ZNF273: variants seen among roughly 807,000 people sequenced by gnomAD.
ZNF273 encodes zinc finger protein 273.
ZNF273 carries 11 observed loss-of-function variants against 14.9 expected under a neutral mutation model. That is an observed-to-expected ratio of 0.74 (90% CI 0.46 to 1.22). The LOEUF is 1.22. ZNF273 is among the 50% of genes most tolerant of loss of function. ZNF273 has a pLI of 0.00. For synonymous variants in ZNF273, 199 were observed against 223.9 expected (o/e 0.89, Z 0.99); for missense variants, 577 against 660.6 (o/e 0.87, Z 1.39).
chr7:64,918,069 A>C (rs555613488), intron 2 of ZNF273, 128 bp from the exon 3 acceptor site: 138 of 788,104 alleles, frequency 1.8e-4, no homozygotes, highest in Non-Finnish European at 2.4e-4. Flanking sequence ...AGAAATTTAC[A>C]TTACTAATTA....
At chr7:64,920,700 C>A (rs944732760) in intron 3 of ZNF273, among the ~76,000 whole-genome samples, 1 of 149,780 alleles carries the variant, frequency 6.7e-6, no homozygotes, top group Non-Finnish European at 1.5e-5. Context: ...AAAGAACACC[C>A]CTCAATCTTG....
chr7:64,918,032 C>G (rs1272730642), intron 2 of ZNF273, among the ~76,000 whole-genome samples, 165 bp from the exon 3 acceptor site: 15 of 152,000 alleles, frequency 9.9e-5, no homozygotes, highest in Admixed American at 9.8e-4. Flanking sequence ...TAAGAACATA[C>G]AAATTTAAAA....
chr7:64,917,466 C>A, intron 1 of ZNF273, 115 bp from the exon 2 acceptor site: 1 of 1,439,278 alleles, frequency 6.9e-7, no homozygotes, highest in South Asian at 1.2e-5. Context: ...TAATTTTAGT[C>A]ACTCCTATAA....
At chr7:64,900,601 C>A (rs961343792), upstream of ZNF273, among the ~76,000 whole-genome samples, 3 of 152,058 alleles carry the variant, frequency 2.0e-5, no homozygotes, top group Non-Finnish European at 2.9e-5. Context: ...CACCATTGAA[C>A]GTTAAAGAAA....
chr7:64,904,174 C>T (rs1036364446), intron 1 of ZNF273, among the ~76,000 whole-genome samples: 1 of 152,118 alleles, frequency 6.6e-6, no homozygotes, highest in African/African-American at 2.4e-5. Flanking sequence ...CTGCAACCAA[C>T]GCCTCCCGGG....
rs1307756281 is a variant in ZNF273, at chr7:64,930,933, TAA to T, written c.*1899_*1900del. On this transcript the variant is annotated 3_prime_UTR_variant, in exon 4 of 4. Transcript: ENST00000476120. ...TACAGGGTTATTTTTATGGTCATAA[TAA>T]AAATTACAAAAGTATGAATAAAATA... 6.6e-6 allele frequency: 1 copy of T among 152,086 alleles called. No individual in the cohort carries two copies. The highest frequency in any genetic ancestry group is 2.4e-5 in the African/African-American group (1 of 41,434). The allele number at this position is 152,086 out of a possible 1,614,324, so 9.4% of individuals were successfully genotyped here.
At chr7:64,932,353 C>T (rs1485567143), downstream of ZNF273, among the ~76,000 whole-genome samples, 1 of 151,936 alleles carries the variant, frequency 6.6e-6, no homozygotes. Context: ...TCTTGTTGCC[C>T]AGGCTGGAGT....
At chr7:64,913,854 A>G (rs1793748663) in intron 1 of ZNF273, among the ~76,000 whole-genome samples, 1 of 152,118 alleles carries the variant, frequency 6.6e-6, no homozygotes, top group South Asian at 2.1e-4. Flanking sequence ...ATGCTTAGCT[A>G]AGTGGTTATC....
upstream of ZNF273, among the ~76,000 whole-genome samples, chr7:64,901,973 C>G (rs1792747335): frequency 6.6e-6 from 1 of 151,086 alleles, no homozygotes; most frequent in African/African-American, 2.4e-5. Flanking sequence ...GTAATCCTAG[C>G]ACTACTTTGG....
At chr7:64,927,066 T>C (rs375545816) in intron 3 of ZNF273, among the ~76,000 whole-genome samples, 12 of 152,314 alleles carry the variant, frequency 7.9e-5, no homozygotes, top group African/African-American at 2.9e-4. Context: ...TTTTCTTCTC[T>C]TTTCAAAAAG....
intron 1 of ZNF273, among the ~76,000 whole-genome samples, chr7:64,916,382 A>AAT (rs1793990753): frequency 6.6e-6 from 1 of 150,912 alleles, no homozygotes; most frequent in Non-Finnish European, 1.5e-5. Context: ...AAAAAAAAAA[A>AAT]AAAAAAATTA....
chr7:64,925,801 T>A (rs1794740791), intron 3 of ZNF273, among the ~76,000 whole-genome samples: 1 of 152,230 alleles, frequency 6.6e-6, no homozygotes, highest in South Asian at 2.1e-4. Flanking sequence ...GCTAATTATC[T>A]TTTTATGTTG....
At chr7:64,927,569 T>C in intron 3 of ZNF273, 85 bp from the exon 4 acceptor site, 1 of 1,186,446 alleles carries the variant, frequency 8.4e-7, no homozygotes, top group South Asian at 1.6e-5. Context: ...CCTTATGTAG[T>C]TTGTATATTT....
At chr7:64,885,699 G>A (rs1791533428) in intron 1 of ZNF273, among the ~76,000 whole-genome samples, 1 of 152,154 alleles carries the variant, frequency 6.6e-6, no homozygotes, top group Non-Finnish European at 1.5e-5. Context: ...ATGCAGGAGG[G>A]ACAGGGTCAC....
chr7:64,928,810 C>T lies in ZNF273; in HGVS notation c.1482C>T (p.Ala494=), dbSNP rs1370480757. The T allele has an allele frequency of 3.1e-6, 5 of 1,613,314 alleles. No individual in the cohort carries two copies. Among genetic ancestry groups the T allele is most frequent in the Non-Finnish European group, 4.2e-6 (5 of 1,179,836 alleles). The change falls in exon 4 of 4, where the codon GCC becomes GCT. Residue 494 remains alanine, a synonymous_variant. Transcript: ENST00000476120. ...KPYKCNECGK[A]FNWSSTLTKH... is the part of the protein sequence containing the mutation. The stretch of plus-strand genomic sequence containing the variant: ...ACAAATGCAATGAATGTGGTAAAGC[C>T]TTTAACTGGTCCTCAACTCTTACTA...
chr7:64,927,689 A>T lies in ZNF273; in HGVS notation c.361A>T (p.Lys121Ter), dbSNP rs1299995559. 3 of 1,593,978 alleles carry T rather than the reference A, an allele frequency of 1.9e-6. No individual in the cohort carries two copies. The highest frequency in any genetic ancestry group is 3.6e-5 in the Admixed American group (2 of 55,520). Residue 121 changes from lysine (K) to a stop codon, truncating the protein, a stop_gained, in exon 4 of 4, where the codon AAG (lysine) becomes TAG (stop). Coordinates refer to ENST00000476120, the MANE Select transcript of ZNF273 (RefSeq NM_021148.3). LOFTEE classifies it low-confidence loss of function (END_TRUNC). ...TCATTTTGCCCAAGACCTTTGGCCA[A>T]AGCAGGGCTTAAAAGATTCTTTTCA... ...CSHFAQDLWP[K>*]QGLKDSFQKV...
chr7:64,891,110 T>TG (rs1200834516), downstream of ZNF273, among the ~76,000 whole-genome samples: 1 of 152,206 alleles, frequency 6.6e-6, no homozygotes, highest in Non-Finnish European at 1.5e-5. Context: ...CAGCCAGGCC[T>TG]GGGCAGGATG....
chr7:64,907,261 G>C (rs1793181303), intron 1 of ZNF273, among the ~76,000 whole-genome samples: 1 of 152,178 alleles, frequency 6.6e-6, no homozygotes, highest in Non-Finnish European at 1.5e-5. Flanking sequence ...CATAATGGGA[G>C]GGTGTTTCTT....
intron 1 of ZNF273, among the ~76,000 whole-genome samples, chr7:64,910,535 TTTTTGTTTTG>T (rs1185242768): frequency 2.0e-5 from 3 of 152,086 alleles, no homozygotes; most frequent in Non-Finnish European, 2.9e-5. Flanking sequence ...ATGAGCCTGT[TTTTTGTTTTG>T]TTTTGTTTTG....
Sources: allele counts gnomAD v4.1 joint callset (sites outside exome capture counted in the v4.1 genomes callset), GRCh38; gene constraint gnomAD v4.1.1; transcripts MANE v1.5; gene names NCBI Gene and HGNC (gene_info 2026-07-23, HGNC 2026-07-21).